The following SYNE2 variants were observed in gnomAD, a reference collection of about 807,000 sequenced individuals.
SYNE2 encodes spectrin repeat containing nuclear envelope protein 2.
SYNE2 carries 431 observed loss-of-function variants against 856.3 expected under a neutral mutation model. That is an observed-to-expected ratio of 0.50 (90% CI 0.47 to 0.55). SYNE2 has a LOEUF of 0.55. Ranked by LOEUF, SYNE2 falls within the 20% of genes least tolerant of loss-of-function variation. The pLI is 0.00. For missense variants in SYNE2, 8,129 were observed against 8,023.2 expected (o/e 1.01, Z -0.50); for synonymous variants, 2,923 against 2,872.3 (o/e 1.02, Z -0.56).
chr14:64,073,665 A>G (rs956181635), intron 52 of SYNE2, among the ~76,000 whole-genome samples: 1 of 152,204 alleles, frequency 6.6e-6, no homozygotes, highest in Non-Finnish European at 1.5e-5. Context: ...AGTCATTTTC[A>G]TGTGAGCTCA....
intron 21 of SYNE2, among the ~76,000 whole-genome samples, chr14:63,992,174 C>G (rs989187764): frequency 2.6e-5 from 4 of 151,432 alleles, no homozygotes; most frequent in African/African-American, 9.7e-5. Flanking sequence ...AGAATGAATG[C>G]TTGTTTTAAA....
At chr14:64,163,628 T>G in intron 89 of SYNE2, 47 bp downstream of exon 89, 2 of 1,606,874 alleles carry the variant, frequency 1.2e-6, no homozygotes, top group Non-Finnish European at 1.7e-6. Flanking sequence ...ACATTTGCAT[T>G]CCATCCTCAA....
chr14:64,024,991 G>C lies in SYNE2; in HGVS notation c.5920G>C (p.Glu1974Gln). The C allele has an allele frequency of 6.2e-7, 1 of 1,614,028 alleles. No homozygotes were observed. The highest frequency in any genetic ancestry group is 2.2e-5 in the East Asian group (1 of 44,856). ...EKWKGMEEPG[E>Q]KTELFCQALA... ...ATGGAAAGGAATGGAAGAACCAGGGGAGAAAACTGAGCTGTTCTGCCAAGC... is the reference window on the plus strand; with the variant it reads ...ATGGAAAGGAATGGAAGAACCAGGGCAGAAAACTGAGCTGTTCTGCCAAGC... The change falls in exon 40 of 116, where the codon GAG becomes CAG. Residue 1974 changes from glutamate (E) to glutamine (Q), a missense_variant. By Grantham distance (29) the Glu-to-Gln change is conservative (BLOSUM62 2). Transcript: ENST00000555002.
intron 1 of SYNE2, among the ~76,000 whole-genome samples, chr14:63,825,765 C>T (rs1889405398): frequency 6.6e-6 from 1 of 152,064 alleles, no homozygotes; most frequent in Non-Finnish European, 1.5e-5. Context: ...ATCCCAGCTA[C>T]TCGGGAGCCT....
chr14:64,064,044 A>C (rs533198102), intron 50 of SYNE2, among the ~76,000 whole-genome samples: 2 of 152,206 alleles, frequency 1.3e-5, no homozygotes, highest in Non-Finnish European at 2.9e-5. Flanking sequence ...CTTTCTCTCA[A>C]AATATGTCAT....
intron 45 of SYNE2, chr14:64,034,410 G>T: frequency 2.3e-6 from 1 of 428,350 alleles, no homozygotes; most frequent in South Asian, 7.4e-5. Flanking sequence ...GCTTTTATCA[G>T]ATTATTTTAA....
chr14:64,043,994 A>T (rs2097167949), intron 45 of SYNE2, among the ~76,000 whole-genome samples: 1 of 152,198 alleles, frequency 6.6e-6, no homozygotes, highest in Non-Finnish European at 1.5e-5. Context: ...AGTAGCTGGG[A>T]CTACAGACAC....
At chr14:63,944,306 AT>A (rs2095981243) in intron 6 of SYNE2, among the ~76,000 whole-genome samples, 2 of 132,196 alleles carry the variant, frequency 1.5e-5, no homozygotes, top group African/African-American at 5.5e-5. Context: ...ATATATATAT[AT>A]AAATAAATAA....
chr14:64,156,568 C>T (rs1183438609), intron 85 of SYNE2, among the ~76,000 whole-genome samples: 2 of 151,934 alleles, frequency 1.3e-5, no homozygotes, highest in Non-Finnish European at 2.9e-5. Flanking sequence ...AAAAGATTCT[C>T]CTGCCTCAGC....
At chr14:64,035,515 A>ATTTTTT (rs35030710) in intron 45 of SYNE2, among the ~76,000 whole-genome samples, 6 of 121,706 alleles carry the variant, frequency 4.9e-5, no homozygotes, top group Admixed American at 8.8e-5. Context: ...TACATGGTAC[A>ATTTTTT]TTTTTTTTTT....
chr14:64,024,345 A>T lies in SYNE2; in HGVS notation c.5726A>T (p.His1909Leu), dbSNP rs750862490. The change falls in exon 39 of 116, where the codon CAT (histidine) becomes CTT (leucine). Residue 1909 changes from histidine to leucine, a missense_variant. By Grantham distance (99) the His-to-Leu change is moderately conservative (BLOSUM62 -3). Coordinates refer to ENST00000555002, the MANE Select transcript of SYNE2 (RefSeq NM_182914.3). ...KHVKKHLPKA[H>L]VKELISWLVG... ...GTGAAGAAGCATCTGCCCAAAGCAC[A>T]TGTGAAGGAGCTTATCAGTTGGCTC... 2 of 1,614,196 alleles carry T rather than the reference A, an allele frequency of 1.2e-6. No homozygotes were observed. Among genetic ancestry groups the T allele is most frequent in the South Asian group, 1.1e-5 (1 of 91,086 alleles).
intron 50 of SYNE2, among the ~76,000 whole-genome samples, chr14:64,064,258 G>A (rs1170834677): frequency 2.0e-5 from 3 of 152,178 alleles, no homozygotes; most frequent in Non-Finnish European, 4.4e-5. Flanking sequence ...CACCAAGAAG[G>A]CTACCAAATG....
chr14:64,056,827 C>T (rs553261627), intron 49 of SYNE2, among the ~76,000 whole-genome samples: 31 of 152,098 alleles, frequency 2.0e-4, no homozygotes, highest in South Asian at 1.9e-3. Flanking sequence ...TATGCCACCA[C>T]GCCTGGCTAA....
chr14:64,150,007 CTTT>C (rs755126549), intron 84 of SYNE2, among the ~76,000 whole-genome samples: 23,731 of 93,108 alleles, frequency 0.25, 1,383 homozygotes, highest in East Asian at 0.4. Flanking sequence ...TTTTTCTTTT[CTTT>C]TTTTTTTTTT....
At chr14:64,213,154 AT>A in intron 105 of SYNE2, 149 bp downstream of exon 105, 6 of 825,302 alleles carry the variant, frequency 7.3e-6, no homozygotes, top group Non-Finnish European at 1.1e-5. Context: ...AAACATTTTA[AT>A]TTCCACTTTT....
intron 1 of SYNE2, among the ~76,000 whole-genome samples, chr14:63,814,359 G>A (rs897643135): frequency 1.4e-5 from 2 of 147,744 alleles, no homozygotes; most frequent in Non-Finnish European, 3.0e-5. Flanking sequence ...GTTCTCTAGA[G>A]AGAAAGAACT....
At chr14:64,058,963 C>T (rs2097295270) in intron 49 of SYNE2, among the ~76,000 whole-genome samples, 1 of 151,946 alleles carries the variant, frequency 6.6e-6, no homozygotes, top group Non-Finnish European at 1.5e-5. Context: ...TGATGCATTC[C>T]TCAGTATGTC....
chr14:64,000,490 A>T, intron 27 of SYNE2, 72 bp from the exon 28 acceptor site: 1 of 1,386,854 alleles, frequency 7.2e-7, no homozygotes, highest in Non-Finnish European at 1.0e-6. Context: ...TGAATGTCTC[A>T]TGTTTTAAGA....
At chr14:63,953,531 TAG>T (rs71123822) in intron 7 of SYNE2, among the ~76,000 whole-genome samples, 8 of 148,878 alleles carry the variant, frequency 5.4e-5, no homozygotes, top group South Asian at 4.2e-4. Context: ...AATAGATAGA[TAG>T]AGAGAGAGAG....
Sources: gnomAD v4.1 joint callset for allele counts (sites outside exome capture counted in the v4.1 genomes callset) on GRCh38, gnomAD v4.1.1 for gene constraint, MANE v1.5 for transcripts, NCBI Gene and HGNC (gene_info 2026-07-23, HGNC 2026-07-21) for gene names.